Variants in AGBL1 observed in about 807,000 individuals in gnomAD.
The protein encoded by AGBL1 is cytosolic carboxypeptidase 4.
AGBL1 carries 130 observed loss-of-function variants against 118.9 expected under a neutral mutation model. The observed-to-expected ratio is 1.09, with a 90% CI of 0.95 to 1.26. The LOEUF (loss-of-function observed/expected upper bound fraction) is 1.26, where lower values mean the gene tolerates loss of function less well. AGBL1 is among the 50% of genes most tolerant of loss of function. The probability of loss-of-function intolerance (pLI) is 0.00; values close to 1 mark genes in which losing one functional copy is unlikely to be tolerated. For missense variants in AGBL1, 1,584 were observed against 1,298.1 expected, an observed-to-expected ratio of 1.22 and a Z score of -3.38; for synonymous variants, 555 against 478.9, an observed-to-expected ratio of 1.16 and a Z score of -2.08.
At chr15:86,790,363 C>CAG (rs2078473918) in intron 22 of AGBL1, among the ~76,000 whole-genome samples, 1 of 151,836 alleles carries the variant, frequency 6.6e-6, no homozygotes, top group Non-Finnish European at 1.5e-5. Context: ...CACACACACA[C>CAG]ACACGCATGC....
intron 6 of AGBL1, among the ~76,000 whole-genome samples, chr15:86,246,161 A>G (rs536974031): frequency 1.3e-5 from 2 of 152,168 alleles, no homozygotes; most frequent in African/African-American, 4.8e-5. Context: ...CTGGCATTAC[A>G]GGTGTGAGCC....
chr15:86,963,718 G>C (rs924408737), intron 23 of AGBL1, among the ~76,000 whole-genome samples: 3 of 151,974 alleles, frequency 2.0e-5, no homozygotes, highest in Admixed American at 6.6e-5. Context: ...CTCTTCCAAA[G>C]TCTCTGTGTT....
rs193021902 is a variant in AGBL1 at position 86,266,207 on chromosome 15, G to C, written c.1668-167G>C. ...TTTGATAGAGGCAGAGAAAGAAGAA[G>C]GGCAGGGCTATTTGTATGCTCTGAG... On this transcript the variant is annotated intron_variant, in intron 11 of 22. Coordinates refer to ENST00000614907, the MANE Select transcript of AGBL1 (RefSeq NM_001386094.1). Among the ~76,000 whole-genome samples the C allele has an allele frequency of 3.9e-5, 6 of 152,332 alleles. No individual in the cohort carries two copies. The East Asian group carries it at 1.2e-3, about 29-fold the overall frequency.
At chr15:86,508,097 T>C (rs1167562745) in intron 18 of AGBL1, among the ~76,000 whole-genome samples, 1 of 151,536 alleles carries the variant, frequency 6.6e-6, no homozygotes, top group Admixed American at 6.6e-5. Context: ...ATTTTTTTTG[T>C]ATTTTTAGTA....
At chr15:86,281,505 A>T (rs2079354169) in intron 16 of AGBL1, among the ~76,000 whole-genome samples, 2 of 152,214 alleles carry the variant, frequency 1.3e-5, no homozygotes, top group African/African-American at 4.8e-5. Context: ...TGGATCTAGG[A>T]CACTGTTCTT....
chr15:86,905,386 A>T (rs2080268239), intron 22 of AGBL1, among the ~76,000 whole-genome samples: 1 of 152,214 alleles, frequency 6.6e-6, no homozygotes, highest in Admixed American at 6.5e-5. Context: ...AGTTCCACAA[A>T]AGTGGCATAA....
intron 22 of AGBL1, among the ~76,000 whole-genome samples, chr15:86,708,270 TA>T (rs2142674889): frequency 6.6e-6 from 1 of 152,166 alleles, no homozygotes; most frequent in South Asian, 2.1e-4. Context: ...AATGAGATCA[TA>T]AGGGCAGGGT....
intron 17 of AGBL1, among the ~76,000 whole-genome samples, chr15:86,330,646 G>C (rs1417427741): frequency 6.6e-6 from 1 of 152,120 alleles, no homozygotes. Flanking sequence ...GGAAACTCAG[G>C]AATGACAGAT....
At chr15:86,451,164 A>G (rs1004638139) in intron 18 of AGBL1, among the ~76,000 whole-genome samples, 3 of 152,068 alleles carry the variant, frequency 2.0e-5, no homozygotes, top group Non-Finnish European at 4.4e-5. Flanking sequence ...AACTGGTTAG[A>G]CACTTTCTTT....
intron 22 of AGBL1, among the ~76,000 whole-genome samples, chr15:86,697,396 T>C (rs949717448): frequency 1.3e-5 from 2 of 151,904 alleles, no homozygotes; most frequent in African/African-American, 2.4e-5. Flanking sequence ...GCTGAGACTT[T>C]CCTGTACATT....
intron 22 of AGBL1, among the ~76,000 whole-genome samples, chr15:86,693,819 G>A (rs561573729): frequency 1.3e-5 from 2 of 152,168 alleles, no homozygotes; most frequent in Non-Finnish European, 2.9e-5. Context: ...CCTGTGGCTT[G>A]CCAATTATCC....
chr15:86,526,272 A>G (rs1341925538), intron 19 of AGBL1, among the ~76,000 whole-genome samples: 2 of 152,156 alleles, frequency 1.3e-5, no homozygotes, highest in African/African-American at 2.4e-5. Context: ...ATGGGAATGT[A>G]TGTTAGTACA....
chr15:86,479,798 C>A (rs1429841637), intron 18 of AGBL1, among the ~76,000 whole-genome samples: 3 of 152,002 alleles, frequency 2.0e-5, no homozygotes, highest in Admixed American at 1.3e-4. Context: ...ATGTTTATTG[C>A]GGCACTATTC....
chr15:86,920,964 G>A (rs977193362), downstream of AGBL1, among the ~76,000 whole-genome samples: 1 of 152,168 alleles, frequency 6.6e-6, no homozygotes, highest in African/African-American at 2.4e-5. Context: ...TTTGCAATTG[G>A]AGAAAGGAGG....
At chr15:86,608,052 G>A (rs1314572195) in intron 21 of AGBL1, among the ~76,000 whole-genome samples, 1 of 152,134 alleles carries the variant, frequency 6.6e-6, no homozygotes, top group Admixed American at 6.5e-5. Context: ...GTATTTACAA[G>A]TGCTTTAACA....
chr15:87,015,750 G>A (rs1596743215), intron 24 of AGBL1, among the ~76,000 whole-genome samples: 1 of 152,164 alleles, frequency 6.6e-6, no homozygotes, highest in East Asian at 1.9e-4. Flanking sequence ...CCCTGCTATT[G>A]ATGAATTCAG....
At chr15:86,778,295 G>T (rs1210373347) in intron 22 of AGBL1, among the ~76,000 whole-genome samples, 1 of 152,140 alleles carries the variant, frequency 6.6e-6, no homozygotes, top group Non-Finnish European at 1.5e-5. Flanking sequence ...TGCTAATGAA[G>T]TTTCGGGCAC....
At chr15:86,470,667 AC>A (rs2082468038) in intron 18 of AGBL1, among the ~76,000 whole-genome samples, 1 of 152,132 alleles carries the variant, frequency 6.6e-6, no homozygotes, top group African/African-American at 2.4e-5. Context: ...CAATTCTTAA[AC>A]ATGAGACGTC....
At chr15:86,130,178 C>T (rs1188390665) in intron 1 of AGBL1, among the ~76,000 whole-genome samples, 1 of 152,030 alleles carries the variant, frequency 6.6e-6, no homozygotes, top group Non-Finnish European at 1.5e-5. Context: ...TCGTGCCCTA[C>T]CTGAGTTTTC....
Sources: gnomAD v4.1 joint callset for allele counts (sites outside exome capture counted in the v4.1 genomes callset) on GRCh38, gnomAD v4.1.1 for gene constraint, MANE v1.5 for transcripts, NCBI Gene and HGNC (gene_info 2026-07-23, HGNC 2026-07-21) for gene names.